ELOVL2: variants seen among roughly 807,000 people sequenced by gnomAD.
The protein encoded by ELOVL2 is ELOVL fatty acid elongase 2, also known as very long chain fatty acid elongase 2.
In ELOVL2, 38 loss-of-function variants were observed where a neutral mutation model predicts 37.7. That is an observed-to-expected ratio of 1.01 (90% CI 0.78 to 1.32). ELOVL2 has a LOEUF of 1.32. ELOVL2 is among the 40% of genes most tolerant of loss of function. The pLI, the probability that ELOVL2 is intolerant of heterozygous loss-of-function variation, is 0.00. For synonymous variants in ELOVL2, 115 were observed against 122.3 expected, an observed-to-expected ratio of 0.94 and a Z score of 0.40; for missense variants, 352 against 363.6, an observed-to-expected ratio of 0.97 and a Z score of 0.26.
intron 2 of ELOVL2, among the ~76,000 whole-genome samples, chr6:11,006,107 G>C (rs1353291672): frequency 3.3e-5 from 5 of 152,142 alleles, no homozygotes; most frequent in African/African-American, 1.2e-4. Context: ...ACACAGCTCC[G>C]AATTTGCCTA....
intron 2 of ELOVL2, among the ~76,000 whole-genome samples, chr6:11,008,389 G>C (rs3798713): frequency 0.42 from 63,652 of 152,074 alleles, 14,160 homozygotes; most frequent in East Asian, 0.71. Flanking sequence ...ACTTGGCGCA[G>C]ACAAGTTGTT....
chr6:11,005,589 T>C, intron 2 of ELOVL2, 30 bp from the exon 3 acceptor site: 1 of 1,576,512 alleles, frequency 6.3e-7, no homozygotes, highest in Non-Finnish European at 8.7e-7. Context: ...GTGAGGATCC[T>C]GAGGAATGAT....
chr6:11,014,323 A>C (rs57997684), intron 1 of ELOVL2, among the ~76,000 whole-genome samples: 19,061 of 151,746 alleles, frequency 0.13, 2,903 homozygotes, highest in African/African-American at 0.36. Flanking sequence ...TACTAAATAT[A>C]CAAAAATTGG....
At chr6:11,004,055 C>G (rs59461895) in intron 3 of ELOVL2, among the ~76,000 whole-genome samples, 3,818 of 151,570 alleles carry the variant, frequency 0.025, 162 homozygotes, top group African/African-American at 0.087. Context: ...TGCACTCCAG[C>G]CTGGGTGACA....
chr6:10,994,032 G>C (rs981876619), intron 5 of ELOVL2, among the ~76,000 whole-genome samples: 2 of 142,628 alleles, frequency 1.4e-5, no homozygotes, highest in Non-Finnish European at 3.1e-5. Context: ...AAAAAAAATA[G>C]CTGGGCATGG....
intron 7 of ELOVL2, among the ~76,000 whole-genome samples, chr6:10,988,351 G>A (rs948900721): frequency 2.0e-5 from 3 of 152,196 alleles, no homozygotes; most frequent in African/African-American, 4.8e-5. Flanking sequence ...GATCACCTGA[G>A]GTCAGGAGTT....
At chr6:11,007,055 G>A (rs1782493910) in intron 2 of ELOVL2, among the ~76,000 whole-genome samples, 2 of 152,130 alleles carry the variant, frequency 1.3e-5, no homozygotes, top group Admixed American at 1.3e-4. Context: ...TATTCTGAAG[G>A]CTTTTACATG....
At chr6:11,030,597 T>G (rs9468279) in intron 1 of ELOVL2, among the ~76,000 whole-genome samples, 13 of 152,186 alleles carry the variant, frequency 8.5e-5, no homozygotes, top group African/African-American at 3.1e-4. Flanking sequence ...GTTCATGCCA[T>G]TCTCCTGCCT....
At position 10,990,397 on chromosome 6, in the gene ELOVL2, T is replaced by C. The variant is rs1286690128; in HGVS notation, c.551A>G (p.Tyr184Cys). ...TLNSFIHILM[Y>C]SYYGLSVFPS... Reference sequence around the variant, plus strand: ...AAACACAGAAAGTCCATAGTAGGAGTACATAAGAATGTGGATAAAACTGTT... The same window carrying C: ...AAACACAGAAAGTCCATAGTAGGAGCACATAAGAATGTGGATAAAACTGTT... The change falls in exon 6 of 8, where the codon TAC (tyrosine) becomes TGC (cysteine). Residue 184 changes from tyrosine (Y) to cysteine (C), a missense_variant. Coordinates refer to ENST00000354666, the MANE Select transcript of ELOVL2 (RefSeq NM_017770.4). 7.4e-6 allele frequency: 12 copies of C among 1,611,094 alleles called. No homozygotes were observed. The highest frequency in any genetic ancestry group is 2.2e-5 in the East Asian group (1 of 44,760).
At chr6:10,985,692 G>A (rs1340034284) in intron 7 of ELOVL2, among the ~76,000 whole-genome samples, 1 of 151,862 alleles carries the variant, frequency 6.6e-6, no homozygotes, top group African/African-American at 2.4e-5. Context: ...GCTCTGTTCT[G>A]TTCCATTGAT....
chr6:11,023,140 A>G (rs1782790496), intron 1 of ELOVL2, among the ~76,000 whole-genome samples: 1 of 152,248 alleles, frequency 6.6e-6, no homozygotes, highest in Non-Finnish European at 1.5e-5. Context: ...GGAAGTGGTG[A>G]GTGAATATAA....
intron 5 of ELOVL2, among the ~76,000 whole-genome samples, chr6:10,994,723 T>A (rs1782232876): frequency 6.6e-6 from 1 of 151,882 alleles, no homozygotes. Flanking sequence ...GGGATTGGAG[T>A]GAAGCAGCTC....
At position 10,994,994 on chromosome 6, in the gene ELOVL2, C is replaced by G. The variant is rs768438687; in HGVS notation, c.505+13G>C. 6.4e-7 allele frequency: 1 copy of G among 1,572,560 alleles called. No homozygotes were observed. The highest frequency in any genetic ancestry group is 8.6e-7 in the Non-Finnish European group (1 of 1,159,940). On this transcript the variant is annotated intron_variant, in intron 5 of 7. Transcript: ENST00000354666. The stretch of plus-strand genomic sequence containing the variant: ...CCATTCCTCAAAACGGAAAAATTAA[C>G]AAAATAACTTACTTTGTCCACAAGG...
intron 5 of ELOVL2, among the ~76,000 whole-genome samples, chr6:10,993,669 T>A (rs562845096): frequency 4.2e-4 from 64 of 152,134 alleles, no homozygotes; most frequent in African/African-American, 1.5e-3. Context: ...ATATAATTAA[T>A]CTCATGTCTA....
intron 2 of ELOVL2, among the ~76,000 whole-genome samples, chr6:11,009,541 A>G (rs1256697817): frequency 6.6e-6 from 1 of 152,194 alleles, no homozygotes; most frequent in African/African-American, 2.4e-5. Flanking sequence ...GCAACGTTTA[A>G]GCTGACACCT....
chr6:11,016,124 CCTTT>C (rs960879079), intron 1 of ELOVL2, among the ~76,000 whole-genome samples: 2 of 152,064 alleles, frequency 1.3e-5, no homozygotes, highest in Non-Finnish European at 2.9e-5. Context: ...TTCTTCTCTT[CCTTT>C]AATTTCCTTT....
intron 5 of ELOVL2, among the ~76,000 whole-genome samples, chr6:10,994,746 G>A (rs370944771): frequency 6.2e-4 from 95 of 152,308 alleles, no homozygotes; most frequent in African/African-American, 2.0e-3. Flanking sequence ...GCTGGGGTAT[G>A]TGCCTCTGAC....
chr6:11,043,851 G>A, intron 1 of ELOVL2: 1 of 190,796 alleles, frequency 5.2e-6, no homozygotes, highest in East Asian at 1.3e-4. Flanking sequence ...GGGTCGGAGG[G>A]TGGGCTGCGC....
At position 11,008,233 on chromosome 6, in the gene ELOVL2, C is replaced by A. The variant is rs76371864; in HGVS notation, c.67+2513G>T. Among the ~76,000 whole-genome samples the A allele has an allele frequency of 7.8e-3, 1,195 of 152,250 alleles. 18 individuals carry two copies. Among genetic ancestry groups the A allele is most frequent in the African/African-American group, 0.027 (1,114 of 41,528 alleles). ...GGAGCTCATCTGATTCCACTGTCAA[C>A]TGTCAATTTTACAATCTCCTTGCTA... On this transcript the variant is annotated intron_variant, in intron 2 of 7. Coordinates refer to ENST00000354666, the MANE Select transcript of ELOVL2 (RefSeq NM_017770.4).
Sources: allele counts gnomAD v4.1 joint callset (sites outside exome capture counted in the v4.1 genomes callset), GRCh38; gene constraint gnomAD v4.1.1; transcripts MANE v1.5; gene names NCBI Gene and HGNC (gene_info 2026-07-23, HGNC 2026-07-21).